RUNX2: variants seen among roughly 807,000 people sequenced by gnomAD.
RUNX2 encodes the protein RUNX family transcription factor 2.
In RUNX2, 10 loss-of-function variants were observed where a neutral mutation model predicts 51.7. The observed-to-expected ratio is 0.19, with a 90% CI of 0.12 to 0.33. The LOEUF (loss-of-function observed/expected upper bound fraction) is 0.33, where lower values mean the gene tolerates loss of function less well. RUNX2 is among the 10% of genes least tolerant of loss of function. The pLI, the probability that RUNX2 is intolerant of heterozygous loss-of-function variation, is 1.00. For missense variants in RUNX2, 562 were observed against 691.3 expected (o/e 0.81, Z 2.10); for synonymous variants, 276 against 273.6 (o/e 1.01, Z -0.09).
chr6:45,368,942 A>G (rs548471435), intron 2 of RUNX2, among the ~76,000 whole-genome samples: 12 of 152,168 alleles, frequency 7.9e-5, no homozygotes, highest in Non-Finnish European at 1.3e-4. Context: ...ATCAGGTTAC[A>G]TCATGATCTA....
At chr6:45,451,506 G>A (rs1799170381) in intron 5 of RUNX2, among the ~76,000 whole-genome samples, 1 of 152,214 alleles carries the variant, frequency 6.6e-6, no homozygotes, top group Non-Finnish European at 1.5e-5. Flanking sequence ...GAGCATTGAT[G>A]ATGATTAAAG....
intron 5 of RUNX2, among the ~76,000 whole-genome samples, chr6:45,466,535 T>G (rs999806137): frequency 2.0e-5 from 3 of 152,124 alleles, no homozygotes; most frequent in Admixed American, 1.3e-4. Flanking sequence ...CAGCTCCCAG[T>G]CTGGTTGTGT....
At chr6:45,417,871 AC>A (rs1245060820) in intron 2 of RUNX2, among the ~76,000 whole-genome samples, 13 of 152,360 alleles carry the variant, frequency 8.5e-5, no homozygotes, top group African/African-American at 2.9e-4. Context: ...AATGCAAAAA[AC>A]ATCTTTGAGA....
intron 2 of RUNX2, among the ~76,000 whole-genome samples, chr6:45,333,841 CA>C (rs1260945406): frequency 6.6e-6 from 1 of 151,132 alleles, no homozygotes; most frequent in African/African-American, 2.4e-5. Context: ...ACCCAAGGAA[CA>C]AAAATCATAC....
intron 2 of RUNX2, chr6:45,371,964 T>G: frequency 1.2e-6 from 1 of 812,542 alleles, no homozygotes; most frequent in Non-Finnish European, 1.5e-6. Context: ...AAGCTGGGAC[T>G]AAAACTGAGG....
intron 5 of RUNX2, among the ~76,000 whole-genome samples, chr6:45,472,167 A>C (rs1018624162): frequency 6.6e-6 from 1 of 152,202 alleles, no homozygotes; most frequent in African/African-American, 2.4e-5. Flanking sequence ...TTATCTAAAT[A>C]GTCCCCTGGA....
intron 5 of RUNX2, among the ~76,000 whole-genome samples, chr6:45,465,741 T>G (rs1799611070): frequency 6.6e-6 from 1 of 151,776 alleles, no homozygotes; most frequent in South Asian, 2.1e-4. Context: ...GCTCAGGTGA[T>G]TCTCCCACCT....
At chr6:45,501,010 C>T (rs577181695) in intron 6 of RUNX2, among the ~76,000 whole-genome samples, 1 of 152,274 alleles carries the variant, frequency 6.6e-6, no homozygotes, top group East Asian at 1.9e-4. Context: ...CGGGGAAATC[C>T]GTGTGTTCGT....
chr6:45,385,679 C>T (rs2150344418), intron 2 of RUNX2, among the ~76,000 whole-genome samples: 1 of 152,276 alleles, frequency 6.6e-6, no homozygotes, highest in African/African-American at 2.4e-5. Context: ...GTGGGTGGAT[C>T]GCTTGAGGTC....
At chr6:45,384,932 G>A (rs1320635142) in intron 2 of RUNX2, among the ~76,000 whole-genome samples, 1 of 151,726 alleles carries the variant, frequency 6.6e-6, no homozygotes, top group Non-Finnish European at 1.5e-5. Context: ...TCAAACCCCT[G>A]GCCTCACGTC....
At chr6:45,374,100 G>A (rs1455654540) in intron 2 of RUNX2, among the ~76,000 whole-genome samples, 1 of 152,160 alleles carries the variant, frequency 6.6e-6, no homozygotes, top group Non-Finnish European at 1.5e-5. Context: ...GGATGAGGAT[G>A]GGTACTAATT....
At chr6:45,365,997 CATTTT>C (rs1795073572) in intron 2 of RUNX2, among the ~76,000 whole-genome samples, 1 of 151,832 alleles carries the variant, frequency 6.6e-6, no homozygotes, top group African/African-American at 2.4e-5. Context: ...TAATGTATGA[CATTTT>C]ATTTAATGCA....
chr6:45,512,134 A>ATT, intron 6 of RUNX2, 112 bp from the exon 7 acceptor site: 1 of 942,484 alleles, frequency 1.1e-6, no homozygotes, highest in African/African-American at 1.7e-5. Flanking sequence ...TATATAAGCC[A>ATT]TTTTTTTTTC....
intron 2 of RUNX2, among the ~76,000 whole-genome samples, chr6:45,339,445 G>A (rs1262269460): frequency 6.6e-6 from 1 of 152,122 alleles, no homozygotes; most frequent in Non-Finnish European, 1.5e-5. Context: ...ATTCCAAATT[G>A]TGTCCCCAAT....
At chr6:45,543,960 G>C (rs552888626) in intron 7 of RUNX2, among the ~76,000 whole-genome samples, 1 of 150,722 alleles carries the variant, frequency 6.6e-6, no homozygotes, top group African/African-American at 2.4e-5. Context: ...AAGGGATCTC[G>C]TATGGTACTA....
At chr6:45,528,729 G>A (rs1448316369) in intron 7 of RUNX2, among the ~76,000 whole-genome samples, 1 of 152,234 alleles carries the variant, frequency 6.6e-6, no homozygotes, top group African/African-American at 2.4e-5. Flanking sequence ...CGTGGCAACA[G>A]CTCTGAAGTG....
At chr6:45,400,412 A>C (rs576667680) in intron 2 of RUNX2, among the ~76,000 whole-genome samples, 1 of 152,270 alleles carries the variant, frequency 6.6e-6, no homozygotes, top group Admixed American at 6.5e-5. Flanking sequence ...GCCTCTAGTG[A>C]TAGAACACCT....
intron 2 of RUNX2, among the ~76,000 whole-genome samples, chr6:45,389,885 A>G (rs1027482370): frequency 6.6e-6 from 1 of 152,018 alleles, no homozygotes; most frequent in Non-Finnish European, 1.5e-5. Flanking sequence ...GCACACCTGT[A>G]ATCCCAGCTG....
chr6:45,541,354 C>G (rs1442290273), intron 7 of RUNX2, among the ~76,000 whole-genome samples: 1 of 151,962 alleles, frequency 6.6e-6, no homozygotes, highest in Non-Finnish European at 1.5e-5. Context: ...GCTATTGGAA[C>G]GGAAGTAAAA....
Sources: gnomAD v4.1 joint callset for allele counts (sites outside exome capture counted in the v4.1 genomes callset) on GRCh38, gnomAD v4.1.1 for gene constraint, MANE v1.5 for transcripts, NCBI Gene and HGNC (gene_info 2026-07-23, HGNC 2026-07-21) for gene names.